EIF4ENIF1: variants seen among roughly 807,000 people sequenced by gnomAD.
The protein encoded by EIF4ENIF1 is eukaryotic translation initiation factor 4E transporter.
EIF4ENIF1 carries 23 observed loss-of-function variants against 110.5 expected under a neutral mutation model. The ratio of observed to expected loss-of-function variants is 0.21; its 90% CI spans 0.15 to 0.29. The LOEUF (loss-of-function observed/expected upper bound fraction) is 0.29, where lower values mean the gene tolerates loss of function less well. EIF4ENIF1 is among the 10% of genes least tolerant of loss of function. The pLI is 1.00. For missense variants in EIF4ENIF1, 1,031 were observed against 1,221.1 expected, an observed-to-expected ratio of 0.84 and a Z score of 2.32; for synonymous variants, 440 against 437.0, an observed-to-expected ratio of 1.01 and a Z score of -0.09.
intron 7 of EIF4ENIF1, among the ~76,000 whole-genome samples, chr22:31,457,475 G>A (rs932327342): frequency 1.3e-5 from 2 of 152,088 alleles, no homozygotes; most frequent in Middle Eastern, 3.2e-3. Context: ...ACATATCCTT[G>A]AAAATAAGTC....
chr22:31,451,542 G>T (rs2050675762), intron 10 of EIF4ENIF1, among the ~76,000 whole-genome samples: 1 of 151,910 alleles, frequency 6.6e-6, no homozygotes, highest in Admixed American at 6.6e-5. Context: ...CCAAAGTACT[G>T]GGATTACAGG....
At chr22:31,470,630 T>C (rs2051342456) in intron 3 of EIF4ENIF1, among the ~76,000 whole-genome samples, 1 of 144,488 alleles carries the variant, frequency 6.9e-6, no homozygotes, top group African/African-American at 2.9e-5. Flanking sequence ...TTAGCCTACA[T>C]TTTTTTTAAC....
In EIF4ENIF1 at chr22:31,455,323, T is replaced by C. The variant is rs2050780130; in HGVS notation, c.1100-8A>G. 6.5e-7 allele frequency: 1 copy of C among 1,540,302 alleles called. No homozygotes were observed. Among genetic ancestry groups the C allele is most frequent in the South Asian group, 1.3e-5 (1 of 76,284 alleles). The stretch of plus-strand genomic sequence containing the variant: ...GGATGGCTTGCTCCAGACCTGATAT[T>C]GCAAATAAACATACTCAAAATTAAT... On this transcript the variant is annotated splice_region_variant and splice_polypyrimidine_tract_variant and intron_variant, in intron 8 of 18. Coordinates refer to ENST00000330125, the MANE Select transcript of EIF4ENIF1 (RefSeq NM_019843.4).
chr22:31,485,405 G>A (rs2051980161), intron 2 of EIF4ENIF1, among the ~76,000 whole-genome samples: 1 of 152,172 alleles, frequency 6.6e-6, no homozygotes, highest in Non-Finnish European at 1.5e-5. Context: ...TAAAAATGAT[G>A]TAAGCATAAA....
In EIF4ENIF1 at chr22:31,468,200, C is replaced by A; in HGVS notation, c.273G>T (p.Arg91=). 1 of 1,614,120 alleles carries A rather than the reference C, an allele frequency of 6.2e-7. No homozygotes were observed. The highest frequency in any genetic ancestry group is 8.5e-7 in the Non-Finnish European group (1 of 1,179,994). Residue 91 remains arginine, a synonymous_variant, in exon 4 of 19, where the codon CGG becomes CGT. Transcript: ENST00000330125. Reference sequence around the variant, plus strand: ...CTACTATCCTGCGCACCAGGGAAGGCCGGTCTGTATCCAACTCTTTCTTCA... The same window carrying A: ...CTACTATCCTGCGCACCAGGGAAGGACGGTCTGTATCCAACTCTTTCTTCA... ...ESLKKELDTD[R]PSLVRRIVDP...
intron 2 of EIF4ENIF1, among the ~76,000 whole-genome samples, chr22:31,475,880 C>T (rs1177282352): frequency 6.6e-6 from 1 of 151,732 alleles, no homozygotes; most frequent in Non-Finnish European, 1.5e-5. Flanking sequence ...ACAAAACACA[C>T]CACGGGAGAC....
chr22:31,458,163 G>T (rs1317091853), intron 7 of EIF4ENIF1, among the ~76,000 whole-genome samples: 1 of 151,732 alleles, frequency 6.6e-6, no homozygotes, highest in African/African-American at 2.4e-5. Flanking sequence ...AGGAGACGGA[G>T]GTTGCAATGA....
intron 2 of EIF4ENIF1, 27 bp downstream of exon 2, chr22:31,488,596 C>G (rs1351037503): frequency 6.2e-7 from 1 of 1,613,916 alleles, no homozygotes; most frequent in Non-Finnish European, 8.5e-7. Context: ...TAAAAAGAAA[C>G]ACTATTTCAT....
intron 6 of EIF4ENIF1, among the ~76,000 whole-genome samples, chr22:31,461,987 A>G (rs778576766): frequency 1.3e-5 from 2 of 152,206 alleles, no homozygotes; most frequent in Non-Finnish European, 2.9e-5. Flanking sequence ...GATTACACAG[A>G]CAAAATACAC....
chr22:31,458,356 T>C (rs2050891203), intron 7 of EIF4ENIF1, 119 bp downstream of exon 7: 1 of 804,772 alleles, frequency 1.2e-6, no homozygotes, highest in Non-Finnish European at 1.7e-6. Flanking sequence ...AATTTAAATA[T>C]GTAAGAATAA....
chr22:31,442,594 A>G (rs2050336863), intron 16 of EIF4ENIF1, among the ~76,000 whole-genome samples: 1 of 152,364 alleles, frequency 6.6e-6, no homozygotes, highest in Non-Finnish European at 1.5e-5. Flanking sequence ...TATGTTGGAC[A>G]CTTAAGTCTC....
chr22:31,486,920 TA>T (rs55836026), intron 2 of EIF4ENIF1, among the ~76,000 whole-genome samples: 82 of 141,732 alleles, frequency 5.8e-4, no homozygotes, highest in Admixed American at 1.1e-3. Flanking sequence ...GTCTCTACTA[TA>T]AAAAAAAAAA....
chr22:31,453,745 T>C (rs1214226180), intron 10 of EIF4ENIF1, among the ~76,000 whole-genome samples: 1 of 152,168 alleles, frequency 6.6e-6, no homozygotes. Context: ...TGGGAATAAT[T>C]AGAAGATGTG....
downstream of EIF4ENIF1, among the ~76,000 whole-genome samples, chr22:31,437,990 G>A (rs1411957995): frequency 6.6e-6 from 1 of 152,216 alleles, no homozygotes. Flanking sequence ...AGGTTTTCTT[G>A]AAAGGTGACC....
At chr22:31,480,727 C>A (rs1172666285) in intron 2 of EIF4ENIF1, among the ~76,000 whole-genome samples, 1 of 151,624 alleles carries the variant, frequency 6.6e-6, no homozygotes, top group East Asian at 1.9e-4. Flanking sequence ...TGCACTCCAG[C>A]CTGGGCAACA....
At chr22:31,458,416 G>A (rs1011099391) in intron 7 of EIF4ENIF1, 59 bp downstream of exon 7, 1 of 1,364,800 alleles carries the variant, frequency 7.3e-7, no homozygotes. Flanking sequence ...TCAAACCGAT[G>A]TCTTAAATAC....
At chr22:31,483,439 G>A (rs1764405764) in intron 2 of EIF4ENIF1, among the ~76,000 whole-genome samples, 2 of 151,882 alleles carry the variant, frequency 1.3e-5, no homozygotes, top group African/African-American at 4.8e-5. Flanking sequence ...CTGGGCTCAA[G>A]CAATCCTCCC....
At chr22:31,458,191 G>A (rs1390612316) in intron 7 of EIF4ENIF1, among the ~76,000 whole-genome samples, 1 of 150,286 alleles carries the variant, frequency 6.7e-6, no homozygotes, top group Admixed American at 6.7e-5. Context: ...TCGTGCCACT[G>A]CACTTCAGCC....
intron 6 of EIF4ENIF1, among the ~76,000 whole-genome samples, chr22:31,459,471 T>C (rs1005290522): frequency 2.4e-4 from 37 of 152,174 alleles, no homozygotes; most frequent in Admixed American, 2.0e-4. Flanking sequence ...AATGTGACCT[T>C]CTCTGGGAAG....
Sources: gnomAD v4.1 joint callset for allele counts (sites outside exome capture counted in the v4.1 genomes callset) on GRCh38, gnomAD v4.1.1 for gene constraint, MANE v1.5 for transcripts, NCBI Gene and HGNC (gene_info 2026-07-23, HGNC 2026-07-21) for gene names.